METTL8: variants seen among roughly 807,000 people sequenced by gnomAD.
METTL8 encodes the protein tRNA N(3)-cytidine methyltransferase METTL8, mitochondrial.
In METTL8, 32 loss-of-function variants were observed where a neutral mutation model predicts 48.7. The observed-to-expected ratio is 0.66, with a 90% CI of 0.50 to 0.88. The LOEUF is 0.88. Among genes scored for constraint, METTL8 ranks in the 40% least tolerant of loss-of-function variants. The pLI, the probability that METTL8 is intolerant of heterozygous loss-of-function variation, is 0.00. For synonymous variants in METTL8, 136 were observed against 157.1 expected (o/e 0.87, Z 1.01); for missense variants, 464 against 474.4 (o/e 0.98, Z 0.20).
chr2:171,394,261 G>C (rs1688849627), intron 1 of METTL8, among the ~76,000 whole-genome samples: 1 of 152,070 alleles, frequency 6.6e-6, no homozygotes, highest in East Asian at 1.9e-4. Flanking sequence ...CACCTAGAAA[G>C]AGAGGCAATT....
Position 171,315,804 on chromosome 2 carries a change from A to C in METTL8, c.*8368T>G, listed in dbSNP as rs971486212. 2.0e-5 allele frequency among the ~76,000 whole-genome samples: 3 copies of C among 152,244 alleles called. No individual in the cohort carries two copies. Among genetic ancestry groups the C allele is most frequent in the Non-Finnish European group, 4.4e-5 (3 of 68,046 alleles). Reference sequence around the variant, plus strand: ...GCCAAAGAGGAGAAGAAATCACAGAAGATTTACAAAACTTACATGAAATAA... The same window carrying C: ...GCCAAAGAGGAGAAGAAATCACAGACGATTTACAAAACTTACATGAAATAA... On this transcript the variant is annotated 3_prime_UTR_variant, in exon 10 of 10. Transcript: ENST00000375258.
At chr2:171,347,743 G>A (rs774749610) in intron 3 of METTL8, among the ~76,000 whole-genome samples, 27 of 152,212 alleles carry the variant, frequency 1.8e-4, no homozygotes, top group Non-Finnish European at 2.5e-4. Flanking sequence ...TACTTCTTCA[G>A]AAACAGTGTG....
At chr2:171,348,424 T>C (rs1271691568) in intron 3 of METTL8, among the ~76,000 whole-genome samples, 2 of 152,184 alleles carry the variant, frequency 1.3e-5, no homozygotes, top group Non-Finnish European at 2.9e-5. Flanking sequence ...ATAAACTTTA[T>C]TCACAAAAAC....
chr2:171,372,565 T>C (rs1212260144), intron 2 of METTL8, among the ~76,000 whole-genome samples: 1 of 152,060 alleles, frequency 6.6e-6, no homozygotes, highest in East Asian at 1.9e-4. Flanking sequence ...ACATGCGCCA[T>C]GTTGGTGTGC....
At chr2:171,337,381 A>C in intron 5 of METTL8, 72 bp downstream of exon 5, 1 of 1,175,494 alleles carries the variant, frequency 8.5e-7, no homozygotes, top group Non-Finnish European at 1.2e-6. Flanking sequence ...ACACGTGACA[A>C]TATTTTCCCA....
At position 171,360,484 on chromosome 2, in the gene METTL8, T is replaced by G. The variant is rs370506078; in HGVS notation, c.173A>C (p.Glu58Ala). 166 of 1,613,630 alleles carry G rather than the reference T, an allele frequency of 1.0e-4. 1 individual carries two copies. The highest frequency in any genetic ancestry group is 1.5e-4 in the African/African-American group (11 of 75,020). The change falls in exon 3 of 10, where the codon GAA becomes GCA. Residue 58 changes from glutamate to alanine, a missense_variant. Glu to Ala is a moderately radical substitution (Grantham distance 107). Transcript: ENST00000375258. The part of the protein sequence containing the change: ...WDHMQWSKEE[E>A]AAARKKVKEN... ...TTTTACTTTTTTTCTGGCTGCTGCT[T>G]CTTCTTCCTTAGACCACTGCATGTG...
At chr2:171,413,170 C>T (rs1165856506) in intron 1 of METTL8, among the ~76,000 whole-genome samples, 1 of 152,180 alleles carries the variant, frequency 6.6e-6, no homozygotes, top group Non-Finnish European at 1.5e-5. Flanking sequence ...AATTCACTGA[C>T]AAGGCTTCAA....
chr2:171,418,090 C>T (rs921330239), intron 1 of METTL8, among the ~76,000 whole-genome samples: 6 of 152,042 alleles, frequency 3.9e-5, no homozygotes, highest in African/African-American at 1.4e-4. Flanking sequence ...ACTACAGGTG[C>T]CCGCCACCAT....
chr2:171,407,490 G>A (rs578199698), intron 1 of METTL8, among the ~76,000 whole-genome samples: 8 of 152,206 alleles, frequency 5.3e-5, no homozygotes, highest in Admixed American at 1.3e-4. Flanking sequence ...TGCTTTGAAC[G>A]AGAGGCTCTT....
intron 5 of METTL8, among the ~76,000 whole-genome samples, chr2:171,336,977 C>T (rs1208367118): frequency 1.3e-5 from 2 of 148,324 alleles, no homozygotes; most frequent in Non-Finnish European, 3.0e-5. Flanking sequence ...AGCAGATTCT[C>T]CTGCCTCAGC....
At chr2:171,357,887 G>A (rs937650769) in intron 3 of METTL8, among the ~76,000 whole-genome samples, 91 of 151,966 alleles carry the variant, frequency 6.0e-4, no homozygotes, top group African/African-American at 2.2e-3. Flanking sequence ...GTAGAGACAG[G>A]TTTTAGCCAT....
chr2:171,324,604 T>C (rs1361968270), intron 9 of METTL8, among the ~76,000 whole-genome samples: 1 of 152,238 alleles, frequency 6.6e-6, no homozygotes, highest in African/African-American at 2.4e-5. Context: ...AACAGATATA[T>C]AAAACTATTG....
chr2:171,432,893 A>T (rs1270792227), intron 1 of METTL8: 3 of 152,222 alleles, frequency 2.0e-5, no homozygotes, highest in African/African-American at 7.2e-5. Flanking sequence ...CCTATAACAT[A>T]TTTCTGGTCA....
intron 2 of METTL8, among the ~76,000 whole-genome samples, chr2:171,376,661 T>C (rs1358511409): frequency 1.3e-5 from 2 of 152,192 alleles, no homozygotes; most frequent in African/African-American, 2.4e-5. Context: ...GAAAGACTTC[T>C]ACAAGGAAAA....
chr2:171,358,176 C>T (rs984603965), intron 3 of METTL8, among the ~76,000 whole-genome samples: 5 of 151,970 alleles, frequency 3.3e-5, no homozygotes, highest in East Asian at 1.9e-4. Context: ...CATGACAAAA[C>T]GCTATCTCTA....
In METTL8 at chr2:171,392,161, T is replaced by A; in HGVS notation, c.25A>T (p.Ile9Phe). Residue 9 changes from isoleucine (I) to phenylalanine (F), a missense_variant, in exon 2 of 10, where the codon ATT (isoleucine) becomes TTT (phenylalanine). Coordinates refer to ENST00000375258, the MANE Select transcript of METTL8 (RefSeq NM_001321154.2). Reference protein sequence around the residue: MNMIWRNSISCLRLGKVPH... With the variant: MNMIWRNSFSCLRLGKVPH... ...ACCTTTCCTAGCCTTAGACAAGAAA[T>A]GGAATTTCTCCAAATCATATTCATC... 2 of 1,551,560 alleles carry A rather than the reference T, an allele frequency of 1.3e-6. No individual in the cohort carries two copies. The highest frequency in any genetic ancestry group is 1.7e-6 in the Non-Finnish European group (2 of 1,146,938).
intron 2 of METTL8, among the ~76,000 whole-genome samples, chr2:171,362,114 C>T (rs888521): frequency 0.34 from 51,191 of 151,906 alleles, 9,060 homozygotes; most frequent in African/African-American, 0.43. Flanking sequence ...AGCTGGGTAA[C>T]GGTCAGATTT....
chr2:171,422,783 T>C (rs1477923662), intron 1 of METTL8, among the ~76,000 whole-genome samples: 1 of 152,240 alleles, frequency 6.6e-6, no homozygotes, highest in Non-Finnish European at 1.5e-5. Flanking sequence ...TTCACTACAT[T>C]GGCAAAAACT....
At chr2:171,359,136 A>T (rs552855234) in intron 3 of METTL8, among the ~76,000 whole-genome samples, 2 of 150,158 alleles carry the variant, frequency 1.3e-5, no homozygotes, top group South Asian at 4.3e-4. Flanking sequence ...CCATGATCTC[A>T]TCACTATACT....
Sources: gnomAD v4.1 joint callset for allele counts (sites outside exome capture counted in the v4.1 genomes callset) on GRCh38, gnomAD v4.1.1 for gene constraint, MANE v1.5 for transcripts, NCBI Gene and HGNC (gene_info 2026-07-23, HGNC 2026-07-21) for gene names.